The following TUFT1 variants were observed in gnomAD, a reference collection of about 807,000 sequenced individuals.
TUFT1 encodes the protein tuftelin 1, also known as tuftelin.
In TUFT1, 43 loss-of-function variants were observed where a neutral mutation model predicts 57.8. That is an observed-to-expected ratio of 0.74 (90% CI 0.58 to 0.96). The LOEUF (loss-of-function observed/expected upper bound fraction) is 0.96, where lower values mean the gene tolerates loss of function less well. Among genes scored for constraint, TUFT1 ranks in the 40% least tolerant of loss-of-function variants. The pLI, the probability that TUFT1 is intolerant of heterozygous loss-of-function variation, is 0.00. For missense variants in TUFT1, 459 were observed against 489.0 expected, an observed-to-expected ratio of 0.94 and a Z score of 0.58; for synonymous variants, 166 against 176.7, an observed-to-expected ratio of 0.94 and a Z score of 0.48.
chr1:151,576,877 G>C (rs1252190090), intron 9 of TUFT1, among the ~76,000 whole-genome samples: 1 of 152,122 alleles, frequency 6.6e-6, no homozygotes, highest in African/African-American at 2.4e-5. Flanking sequence ...TGCCCGCCTT[G>C]ACCTCCCAAA....
At chr1:151,544,443 T>C (rs1326594748) in intron 1 of TUFT1, among the ~76,000 whole-genome samples, 2 of 152,180 alleles carry the variant, frequency 1.3e-5, no homozygotes, top group Non-Finnish European at 2.9e-5. Context: ...ATTACAGGCA[T>C]GGGCCACCAT....
intron 6 of TUFT1, among the ~76,000 whole-genome samples, 190 bp downstream of exon 6, chr1:151,566,418 C>T (rs567536511): frequency 3.3e-5 from 5 of 152,152 alleles, no homozygotes; most frequent in Admixed American, 6.5e-5. Flanking sequence ...TCTCTCCTTG[C>T]GAGTATCCAC....
In TUFT1 at chr1:151,564,618, A is replaced by G; in HGVS notation, c.414+4A>G. 6.2e-7 allele frequency: 1 copy of G among 1,613,248 alleles called. No individual in the cohort carries two copies. The highest frequency in any genetic ancestry group is 8.5e-7 in the Non-Finnish European group (1 of 1,179,216). Reference sequence around the variant, plus strand: ...TCTCCATCGACAGGAGATACAGGTAATAGGAAATGGTCCATGGTTGGGTCC... The same window carrying G: ...TCTCCATCGACAGGAGATACAGGTAGTAGGAAATGGTCCATGGTTGGGTCC... On this transcript the variant is annotated splice_donor_region_variant and intron_variant, in intron 5 of 12. Transcript: ENST00000368849.
chr1:151,574,001 T>A (rs1666356747), intron 7 of TUFT1, among the ~76,000 whole-genome samples: 1 of 152,182 alleles, frequency 6.6e-6, no homozygotes, highest in Non-Finnish European at 1.5e-5. Context: ...GTCACCTATC[T>A]GAAAAGTGGT....
intron 5 of TUFT1, among the ~76,000 whole-genome samples, chr1:151,565,327 C>T (rs533775814): frequency 3.1e-4 from 47 of 152,376 alleles, no homozygotes; most frequent in East Asian, 3.9e-4. Flanking sequence ...TTTGTGACTT[C>T]GCCCTCATCC....
intron 1 of TUFT1, among the ~76,000 whole-genome samples, chr1:151,548,458 A>T (rs1279026099): frequency 6.6e-6 from 1 of 151,236 alleles, no homozygotes; most frequent in Non-Finnish European, 1.5e-5. Context: ...GTGCGCCACC[A>T]CGCCCAGCTA....
At chr1:151,566,705 C>A (rs976486078) in intron 6 of TUFT1, among the ~76,000 whole-genome samples, 1 of 152,020 alleles carries the variant, frequency 6.6e-6, no homozygotes, top group African/African-American at 2.4e-5. Flanking sequence ...TATATACACA[C>A]CATATATACA....
intron 1 of TUFT1, among the ~76,000 whole-genome samples, chr1:151,561,072 C>A (rs985292711): frequency 6.6e-6 from 1 of 151,662 alleles, no homozygotes; most frequent in Admixed American, 6.6e-5. Flanking sequence ...TGGCTCACTA[C>A]AAGCTCCGCC....
In TUFT1 at chr1:151,574,965, C is replaced by T; in HGVS notation, c.778C>T (p.Leu260Phe). 6.3e-7 allele frequency: 1 copy of T among 1,576,238 alleles called. No homozygotes were observed. Among genetic ancestry groups the T allele is most frequent in the Non-Finnish European group, 8.6e-7 (1 of 1,160,514 alleles). ...GGAAGGGGAGGTGGCCCTAGAGGAA[C>T]TTCGGAGCAACAATGCTGACTGCCA... is the stretch of plus-strand genomic sequence containing the variant. ...VREGEVALEE[L>F]RSNNADCQAE... Residue 260 changes from leucine (L) to phenylalanine (F), a missense_variant, in exon 9 of 13, where the codon CTT (leucine) becomes TTT (phenylalanine). Physicochemically the swap from Leu to Phe is conservative, Grantham distance 22 (BLOSUM62 0). Coordinates refer to ENST00000368849, the MANE Select transcript of TUFT1 (RefSeq NM_020127.3).
chr1:151,563,393 A>G (rs542074438), intron 3 of TUFT1, among the ~76,000 whole-genome samples: 40 of 152,102 alleles, frequency 2.6e-4, no homozygotes, highest in African/African-American at 9.4e-4. Flanking sequence ...ATTATACTCC[A>G]TTTTTACTGT....
At chr1:151,563,364 A>G (rs1307237279) in intron 3 of TUFT1, among the ~76,000 whole-genome samples, 2 of 152,172 alleles carry the variant, frequency 1.3e-5, no homozygotes, top group Non-Finnish European at 2.9e-5. Context: ...TGCGTAGACA[A>G]CAGTGGTCCC....
chr1:151,562,488 T>G, intron 2 of TUFT1, 97 bp from the exon 3 acceptor site: 1 of 1,045,188 alleles, frequency 9.6e-7, no homozygotes, highest in Non-Finnish European at 1.4e-6. Flanking sequence ...GAGAAACAGG[T>G]CTTCTGCATT....
chr1:151,553,565 A>G lies in TUFT1; in HGVS notation c.61-8526A>G, dbSNP rs145765542. Among the ~76,000 whole-genome samples the G allele has an allele frequency of 5.0e-3, 762 of 152,318 alleles. 10 individuals carry two copies. The highest frequency in any genetic ancestry group is 0.014 in the African/African-American group (595 of 41,560). On this transcript the variant is annotated intron_variant, in intron 1 of 12. Coordinates refer to ENST00000368849, the MANE Select transcript of TUFT1 (RefSeq NM_020127.3). The stretch of plus-strand genomic sequence containing the variant: ...ATGGGGAGGGGAGGAATGAAAGGCC[A>G]GAAAAGAGGTCAGGAGAAAGTCAGA...
chr1:151,575,506 CA>C (rs943977071), intron 9 of TUFT1, among the ~76,000 whole-genome samples: 13 of 152,272 alleles, frequency 8.5e-5, no homozygotes, highest in Non-Finnish European at 1.6e-4. Context: ...CACCTGTCAG[CA>C]GGGTCCCGTA....
intron 1 of TUFT1, among the ~76,000 whole-genome samples, chr1:151,546,967 G>C (rs1034480107): frequency 6.6e-6 from 1 of 152,180 alleles, no homozygotes; most frequent in Admixed American, 6.5e-5. Context: ...GCTTACTCCA[G>C]AGGACTGAAT....
intron 9 of TUFT1, among the ~76,000 whole-genome samples, chr1:151,576,563 C>G (rs1210943939): frequency 2.6e-5 from 4 of 152,154 alleles, no homozygotes; most frequent in African/African-American, 9.7e-5. Flanking sequence ...GTTCCCATAT[C>G]CTCTTTTCAG....
intron 3 of TUFT1, 131 bp from the exon 4 acceptor site, chr1:151,563,773 C>T (rs916069287): frequency 2.5e-5 from 19 of 757,954 alleles, no homozygotes; most frequent in African/African-American, 1.0e-4. Flanking sequence ...TCTTCTGATC[C>T]GAATCACCAA....
At chr1:151,577,277 C>G (rs1666501244) in intron 9 of TUFT1, among the ~76,000 whole-genome samples, 1 of 152,160 alleles carries the variant, frequency 6.6e-6, no homozygotes. Context: ...TTAGTTTAGT[C>G]TCTAGCTCCT....
In TUFT1 at chr1:151,563,894, C is replaced by G; in HGVS notation, c.238-10C>G. The G allele has an allele frequency of 6.2e-7, 1 of 1,612,348 alleles. No individual in the cohort carries two copies. The highest frequency in any genetic ancestry group is 8.5e-7 in the Non-Finnish European group (1 of 1,178,528). ...TGAGGTTTCTTAACTAAATGGTGTT[C>G]TTATTTCAGGTGTACTTGAAGGGGA... On this transcript the variant is annotated splice_polypyrimidine_tract_variant and intron_variant, in intron 3 of 12. Transcript: ENST00000368849.
Sources: allele counts gnomAD v4.1 joint callset (sites outside exome capture counted in the v4.1 genomes callset), GRCh38; gene constraint gnomAD v4.1.1; transcripts MANE v1.5; gene names NCBI Gene and HGNC (gene_info 2026-07-23, HGNC 2026-07-21).